Variants in PHLDB2 observed in about 807,000 individuals in gnomAD.
PHLDB2 encodes the protein pleckstrin homology-like domain family B member 2.
A neutral mutation model predicts 123.6 loss-of-function variants in PHLDB2; 71 were observed. That is an observed-to-expected ratio of 0.57 (90% CI 0.47 to 0.70). The LOEUF is 0.70. PHLDB2 is among the 30% of genes least tolerant of loss of function. The pLI is 0.00. For synonymous variants in PHLDB2, 547 were observed against 541.6 expected (o/e 1.01, Z -0.14); for missense variants, 1,446 against 1,519.5 (o/e 0.95, Z 0.80).
intron 1 of PHLDB2, among the ~76,000 whole-genome samples, chr3:111,773,942 G>A (rs1397660133): frequency 6.6e-6 from 1 of 152,182 alleles, no homozygotes; most frequent in African/African-American, 2.4e-5. Flanking sequence ...TGCCGTAACA[G>A]CAGGTACCAG....
chr3:111,733,014 C>T (rs1180344083), intron 1 of PHLDB2, among the ~76,000 whole-genome samples: 2 of 152,102 alleles, frequency 1.3e-5, no homozygotes, highest in African/African-American at 2.4e-5. Context: ...TTGGTGGTAA[C>T]TCCACAAGCA....
At chr3:111,917,805 C>T (rs2068265370) in intron 3 of PHLDB2, 1 of 152,030 alleles carries the variant, frequency 6.6e-6, no homozygotes, top group South Asian at 2.1e-4. Context: ...TGATGGATGG[C>T]TTCTTAAATG....
At chr3:111,904,115 T>C (rs957117144) in intron 2 of PHLDB2, among the ~76,000 whole-genome samples, 1 of 151,800 alleles carries the variant, frequency 6.6e-6, no homozygotes, top group African/African-American at 2.4e-5. Flanking sequence ...CCATTTCTAC[T>C]AAAAATACAA....
chr3:111,741,545 G>A (rs748828674), intron 1 of PHLDB2, among the ~76,000 whole-genome samples: 2 of 152,036 alleles, frequency 1.3e-5, no homozygotes, highest in Non-Finnish European at 2.9e-5. Context: ...ATGTCTCTGT[G>A]TGTGTGTGTG....
intron 1 of PHLDB2, among the ~76,000 whole-genome samples, chr3:111,782,867 T>C (rs1320222981): frequency 6.6e-6 from 1 of 152,092 alleles, no homozygotes; most frequent in African/African-American, 2.4e-5. Context: ...AGTTTTGAAA[T>C]ATTTTTAGAC....
intron 1 of PHLDB2, among the ~76,000 whole-genome samples, chr3:111,829,754 G>T (rs1454840451): frequency 6.6e-6 from 1 of 151,886 alleles, no homozygotes; most frequent in African/African-American, 2.4e-5. Flanking sequence ...GAGCCACCGC[G>T]CCCGACCAAC....
chr3:111,875,005 C>T (rs2065532675), intron 1 of PHLDB2, among the ~76,000 whole-genome samples: 1 of 152,128 alleles, frequency 6.6e-6, no homozygotes, highest in Non-Finnish European at 1.5e-5. Flanking sequence ...TTATTCATAT[C>T]AGAGAAATAT....
chr3:111,918,590 A>G (rs888453565), intron 3 of PHLDB2, among the ~76,000 whole-genome samples: 1 of 152,226 alleles, frequency 6.6e-6, no homozygotes, highest in African/African-American at 2.4e-5. Context: ...ACCCAACAGT[A>G]TGCCTAGAGA....
At chr3:111,855,211 A>C (rs545838853), upstream of PHLDB2, among the ~76,000 whole-genome samples, 127 of 152,316 alleles carry the variant, frequency 8.3e-4, no homozygotes, top group African/African-American at 3.0e-3. Context: ...AGGACACAGG[A>C]AAGTAAGATC....
intron 1 of PHLDB2, among the ~76,000 whole-genome samples, chr3:111,769,035 A>G (rs1467199718): frequency 6.6e-6 from 1 of 152,196 alleles, no homozygotes; most frequent in East Asian, 1.9e-4. Context: ...CCTCTGACCC[A>G]TGGTCAGACA....
intron 1 of PHLDB2, among the ~76,000 whole-genome samples, chr3:111,870,344 A>C (rs1260771052): frequency 6.6e-6 from 1 of 152,156 alleles, no homozygotes; most frequent in African/African-American, 2.4e-5. Flanking sequence ...AGGAGGATAT[A>C]AGAATGCAAG....
chr3:111,937,091 T>G (rs1181378416), intron 6 of PHLDB2, among the ~76,000 whole-genome samples: 1 of 152,194 alleles, frequency 6.6e-6, no homozygotes, highest in Non-Finnish European at 1.5e-5. Context: ...TGTTAAGAAA[T>G]GTTGAATATG....
At chr3:111,904,332 A>G (rs1577048641) in intron 2 of PHLDB2, among the ~76,000 whole-genome samples, 1 of 150,798 alleles carries the variant, frequency 6.6e-6, no homozygotes, top group African/African-American at 2.4e-5. Flanking sequence ...TTATTCCACA[A>G]ATCATTAAAA....
At chr3:111,738,577 G>A (rs2059548999) in intron 1 of PHLDB2, among the ~76,000 whole-genome samples, 1 of 152,096 alleles carries the variant, frequency 6.6e-6, no homozygotes, top group South Asian at 2.1e-4. Flanking sequence ...AATTTATCCA[G>A]TAGGCCAAAC....
chr3:111,795,596 T>C (rs2061119417), intron 1 of PHLDB2, among the ~76,000 whole-genome samples: 1 of 152,214 alleles, frequency 6.6e-6, no homozygotes, highest in Admixed American at 6.5e-5. Flanking sequence ...TCTTGAAGTC[T>C]TGGGAAATCC....
At chr3:111,946,029 TTA>T (rs1188945476) in intron 9 of PHLDB2, among the ~76,000 whole-genome samples, 6 of 150,412 alleles carry the variant, frequency 4.0e-5, no homozygotes, top group African/African-American at 7.4e-5. Context: ...AAAAAATAGT[TTA>T]TATATATATA....
At chr3:111,885,728 C>G in intron 2 of PHLDB2, 1 of 611,132 alleles carries the variant, frequency 1.6e-6, no homozygotes, top group South Asian at 2.0e-5. Context: ...TTACAAACTT[C>G]TCTTTAAGAC....
intron 1 of PHLDB2, among the ~76,000 whole-genome samples, chr3:111,819,347 C>T (rs2062257003): frequency 6.6e-6 from 1 of 152,120 alleles, no homozygotes; most frequent in Admixed American, 6.6e-5. Context: ...GAATTGTAAC[C>T]AATATTTTGT....
intron 2 of PHLDB2, among the ~76,000 whole-genome samples, chr3:111,847,100 A>G (rs1038896806): frequency 6.6e-6 from 1 of 152,180 alleles, no homozygotes; most frequent in African/African-American, 2.4e-5. Flanking sequence ...TTAGGTGGGA[A>G]AATAACCTGG....
Sources: gnomAD v4.1 joint callset for allele counts (sites outside exome capture counted in the v4.1 genomes callset) on GRCh38, gnomAD v4.1.1 for gene constraint, MANE v1.5 for transcripts, NCBI Gene and HGNC (gene_info 2026-07-23, HGNC 2026-07-21) for gene names.